The following TTC28 variants were observed in gnomAD, a reference collection of about 807,000 sequenced individuals.
The protein encoded by TTC28 is tetratricopeptide repeat domain 28, also known as tetratricopeptide repeat protein 28.
TTC28 carries 61 observed loss-of-function variants against 198.0 expected under a neutral mutation model. The observed-to-expected ratio is 0.31, with a 90% CI of 0.25 to 0.38. TTC28 has a LOEUF of 0.38. Ranked by LOEUF, TTC28 falls within the 10% of genes least tolerant of loss-of-function variation. The pLI is 1.00. For missense variants in TTC28, 2,678 were observed against 3,164.0 expected (o/e 0.85, Z 3.69); for synonymous variants, 1,171 against 1,297.8 (o/e 0.90, Z 2.10).
intron 2 of TTC28, among the ~76,000 whole-genome samples, chr22:28,562,668 A>G (rs1050725249): frequency 3.9e-5 from 6 of 152,256 alleles, no homozygotes; most frequent in African/African-American, 1.2e-4. Flanking sequence ...CACTAGTAAC[A>G]TAAAGAGAAT....
intron 2 of TTC28, among the ~76,000 whole-genome samples, chr22:28,373,337 T>C (rs994390603): frequency 6.6e-5 from 10 of 152,012 alleles, no homozygotes; most frequent in Non-Finnish European, 1.3e-4. Context: ...TACACAAAAG[T>C]TTAATTTCTT....
intron 5 of TTC28, among the ~76,000 whole-genome samples, chr22:28,279,214 AATCT>A (rs1186045925): frequency 6.6e-6 from 1 of 152,144 alleles, no homozygotes; most frequent in Admixed American, 6.5e-5. Flanking sequence ...TCTTTTCATC[AATCT>A]GTTTTTTTGA....
At chr22:28,288,522 T>C (rs954122187) in intron 5 of TTC28, among the ~76,000 whole-genome samples, 2 of 152,098 alleles carry the variant, frequency 1.3e-5, no homozygotes, top group Non-Finnish European at 2.9e-5. Context: ...CAAAGAGTTA[T>C]ATAGGCTGGG....
At chr22:28,465,713 A>C (rs1225068424) in intron 2 of TTC28, among the ~76,000 whole-genome samples, 1 of 152,184 alleles carries the variant, frequency 6.6e-6, no homozygotes, top group Non-Finnish European at 1.5e-5. Context: ...GGCTTAACAT[A>C]AGGGAGACGT....
intron 5 of TTC28, among the ~76,000 whole-genome samples, chr22:28,281,399 A>C (rs908109852): frequency 9.0e-5 from 3 of 33,224 alleles, no homozygotes; most frequent in Admixed American, 1.8e-4. Flanking sequence ...ATCAATGACT[A>C]ATTTGATTTT....
At chr22:28,375,573 TA>T (rs557216578) in intron 2 of TTC28, among the ~76,000 whole-genome samples, 262 of 152,322 alleles carry the variant, frequency 1.7e-3, no homozygotes, top group African/African-American at 6.0e-3. Flanking sequence ...AGGAAAGGGT[TA>T]AAAACATTTC....
In TTC28 at chr22:28,274,999, A is replaced by G. The variant is rs112941440; in HGVS notation, c.933+21199T>C. Among the ~76,000 whole-genome samples, 134 of 147,580 alleles carry G rather than the reference A, an allele frequency of 9.1e-4. 1 individual carries two copies. The highest frequency in any genetic ancestry group is 3.8e-3 in the South Asian group (18 of 4,724). ...CTTAAAAAAAAAAAAAAAAAAAAAAAAGAGAGAGAGAGAGAAGCATTAGGA... is the reference window on the plus strand; with the variant it reads ...CTTAAAAAAAAAAAAAAAAAAAAAAGAGAGAGAGAGAGAGAAGCATTAGGA... On this transcript the variant is annotated intron_variant, in intron 5 of 22. Coordinates refer to ENST00000397906, the MANE Select transcript of TTC28 (RefSeq NM_001145418.2).
intron 5 of TTC28, among the ~76,000 whole-genome samples, chr22:28,201,751 C>CAAAAAA (rs34790960): frequency 3.7e-5 from 3 of 81,000 alleles, no homozygotes; most frequent in African/African-American, 1.5e-4. Flanking sequence ...TTACAGAAAG[C>CAAAAAA]AAAAAAAAAA....
At chr22:28,452,148 G>A (rs2146256585) in intron 2 of TTC28, among the ~76,000 whole-genome samples, 1 of 152,160 alleles carries the variant, frequency 6.6e-6, no homozygotes, top group East Asian at 1.9e-4. Flanking sequence ...CCAGCACTTT[G>A]GGAGGCCAAG....
At chr22:28,338,407 T>A (rs1038972339) in intron 2 of TTC28, among the ~76,000 whole-genome samples, 13 of 152,366 alleles carry the variant, frequency 8.5e-5, no homozygotes, top group Middle Eastern at 3.4e-3. Context: ...ATTGGGGAAA[T>A]TCTCCTGGAT....
intron 2 of TTC28, among the ~76,000 whole-genome samples, chr22:28,576,110 T>A (rs1183439599): frequency 2.6e-5 from 4 of 152,174 alleles, no homozygotes; most frequent in Non-Finnish European, 5.9e-5. Context: ...CCCCATTCCG[T>A]GTAATACTAG....
chr22:28,350,168 T>C (rs2045970600), intron 2 of TTC28, among the ~76,000 whole-genome samples: 2 of 152,218 alleles, frequency 1.3e-5, no homozygotes, highest in Admixed American at 1.3e-4. Flanking sequence ...AGGAAGGCTA[T>C]AAGAGCAGTA....
At chr22:28,347,008 A>C (rs1414563847) in intron 2 of TTC28, among the ~76,000 whole-genome samples, 3 of 152,204 alleles carry the variant, frequency 2.0e-5, no homozygotes, top group African/African-American at 7.2e-5. Context: ...CATGCCTGTA[A>C]TCCCAACACT....
chr22:28,349,906 G>T (rs2045966739), intron 2 of TTC28, among the ~76,000 whole-genome samples: 1 of 152,144 alleles, frequency 6.6e-6, no homozygotes, highest in Non-Finnish European at 1.5e-5. Context: ...GTAACCCCGA[G>T]TGCCCAACAC....
intron 5 of TTC28, among the ~76,000 whole-genome samples, chr22:28,219,240 G>A (rs760322957): frequency 1.1e-4 from 16 of 152,188 alleles, no homozygotes; most frequent in Non-Finnish European, 1.5e-4. Flanking sequence ...TGGGCGTGGT[G>A]GCTCACGCCT....
chr22:28,618,179 G>T (rs1235902446), intron 2 of TTC28, among the ~76,000 whole-genome samples: 3 of 152,122 alleles, frequency 2.0e-5, no homozygotes, highest in Non-Finnish European at 2.9e-5. Context: ...GGAAGCTGAG[G>T]CAGGAGAATT....
At chr22:28,030,022 G>A (rs939818036) in intron 13 of TTC28, among the ~76,000 whole-genome samples, 4 of 152,240 alleles carry the variant, frequency 2.6e-5, no homozygotes, top group Non-Finnish European at 4.4e-5. Context: ...GCCTGTCACT[G>A]TTTTCTCGCT....
chr22:28,018,286 T>C (rs1487240492), intron 13 of TTC28, among the ~76,000 whole-genome samples: 17 of 97,312 alleles, frequency 1.7e-4, no homozygotes, highest in Non-Finnish European at 2.8e-4. Flanking sequence ...TGTATGTGTG[T>C]GCGCGCGTGT....
intron 12 of TTC28, among the ~76,000 whole-genome samples, chr22:28,091,041 A>C (rs1425990440): frequency 6.6e-6 from 1 of 152,210 alleles, no homozygotes; most frequent in African/African-American, 2.4e-5. Flanking sequence ...GATCCTAAGG[A>C]CTCATTAGCT....
Sources: allele counts gnomAD v4.1 joint callset (sites outside exome capture counted in the v4.1 genomes callset), GRCh38; gene constraint gnomAD v4.1.1; transcripts MANE v1.5; gene names NCBI Gene and HGNC (gene_info 2026-07-23, HGNC 2026-07-21).